Variants in KIF19 observed in about 807,000 individuals in gnomAD.
The protein encoded by KIF19 is kinesin-like protein KIF19.
Under a neutral mutation model 106.6 loss-of-function variants are expected in KIF19, and 98 were observed. The observed-to-expected ratio is 0.92, with a 90% CI of 0.78 to 1.09. The LOEUF is 1.09. Ranked by LOEUF, KIF19 falls within the 50% of genes least tolerant of loss-of-function variation. The pLI, the probability that KIF19 is intolerant of heterozygous loss-of-function variation, is 0.00. For missense variants in KIF19, 1,373 were observed against 1,414.3 expected (o/e 0.97, Z 0.47); for synonymous variants, 516 against 584.2 (o/e 0.88, Z 1.68).
chr17:74,352,047 C>T lies in KIF19; in HGVS notation c.1768C>T (p.Leu590Phe). ...GCACGCGCTGCTCCGCGACGGTGCGCTCCGCCACCGCCACGAGGCCGTGCG... is the reference window on the plus strand; with the variant it reads ...GCACGCGCTGCTCCGCGACGGTGCGTTCCGCCACCGCCACGAGGCCGTGCG... ...QSHALLRDGA[L>F]RHRHEAVRRL... is the part of the protein sequence containing the mutation. The change falls in exon 13 of 20, where the codon CTC (leucine) becomes TTC (phenylalanine). Residue 590 changes from leucine to phenylalanine, a missense_variant. By Grantham distance (22) the Leu-to-Phe change is conservative. Around this residue, in one of 3 missense-constraint regions of KIF19, gnomAD observed 1,020 missense variants for 1,008.2 expected, o/e 1.01. Coordinates refer to ENST00000389916, the MANE Select transcript of KIF19 (RefSeq NM_153209.4). 3 of 1,581,062 alleles carry T rather than the reference C, an allele frequency of 1.9e-6. No homozygotes were observed. The highest frequency in any genetic ancestry group is 1.7e-6 in the Non-Finnish European group (2 of 1,170,158).
In KIF19 at chr17:74,331,372, G is replaced by T. The variant is rs1161851180; in HGVS notation, c.120+2867G>T. ...CCTGAGTGGGGAGAGGTGGACCGGGGACACAGTAACCCGCTGGGCTGGGCC... is the reference window on the plus strand; with the variant it reads ...CCTGAGTGGGGAGAGGTGGACCGGGTACACAGTAACCCGCTGGGCTGGGCC... On this transcript the variant is annotated intron_variant, in intron 2 of 19. Coordinates refer to ENST00000389916, the MANE Select transcript of KIF19 (RefSeq NM_153209.4). This position sits in a 1 kb window ranked among gnomAD's most constrained non-coding sequence, Gnocchi z 4.1. Among the ~76,000 whole-genome samples the T allele has an allele frequency of 8.1e-6, 1 of 123,120 alleles. No homozygotes were observed. Among genetic ancestry groups the T allele is most frequent in the South Asian group, 2.5e-4 (1 of 3,988 alleles). The allele number at this position is 123,120 out of a possible 152,430, so 80.8% of individuals were successfully genotyped here.
chr17:74,340,689 C>T (rs1045426302), intron 2 of KIF19, among the ~76,000 whole-genome samples: 5 of 152,258 alleles, frequency 3.3e-5, no homozygotes, highest in Admixed American at 1.3e-4. Flanking sequence ...TTTCCACTCC[C>T]GGCTCAGGCT....
chr17:74,346,629 A>C lies in KIF19; in HGVS notation c.924+105A>C, dbSNP rs2054538679. The C allele has an allele frequency of 9.5e-7, 1 of 1,056,934 alleles. No individual in the cohort carries two copies. Among genetic ancestry groups the C allele is most frequent in the African/African-American group, 1.6e-5 (1 of 62,420 alleles). 65.5% of individuals were successfully genotyped at this position (1,056,934 alleles called of 1,614,324 possible). A position where few individuals can be genotyped will look rare whatever the true frequency, so the allele number is the denominator to read the frequency against. On this transcript the variant is annotated intron_variant, in intron 8 of 19. Transcript: ENST00000389916. The surrounding 1 kb of genome is among the most constrained non-coding windows in gnomAD (Gnocchi z 4.6). ...CAGCTAAATTCCAACCTCAGGATAC[A>C]CAGCAAAATTTATTTTAGCGTAAAT... is the stretch of plus-strand genomic sequence containing the variant.
At chr17:74,354,742 G>A in intron 18 of KIF19, 40 bp from the exon 19 acceptor site, 1 of 1,541,558 alleles carries the variant, frequency 6.5e-7, no homozygotes. Context: ...GCAGATCCCT[G>A]TGCCGCTCTC....
chr17:74,351,720 G>A, intron 12 of KIF19, 147 bp from the exon 13 acceptor site: 2 of 935,466 alleles, frequency 2.1e-6, no homozygotes, highest in Non-Finnish European at 2.9e-6. Flanking sequence ...CTGATTGTAA[G>A]GCCCAAGATT....
intron 14 of KIF19, 21 bp downstream of exon 14, chr17:74,352,361 C>T: frequency 1.3e-6 from 2 of 1,595,216 alleles, no homozygotes; most frequent in South Asian, 1.1e-5. Context: ...GCCTGGGCGG[C>T]CTGAACATGG....
chr17:74,330,634 C>T (rs564655777), intron 2 of KIF19, among the ~76,000 whole-genome samples: 14 of 152,368 alleles, frequency 9.2e-5, no homozygotes, highest in South Asian at 4.1e-4. Context: ...CTGATGGGAA[C>T]GCTCCCTGTC....
chr17:74,340,555 G>GCGCACACACACACACACACACA lies in KIF19; in HGVS notation c.121-1321_121-1320insCGCACACACACACACACACACA. 7.4e-3 allele frequency among the ~76,000 whole-genome samples: 1,101 copies of GCGCACACACACACACACACACA among 148,280 alleles called. 16 individuals carry two copies. The highest frequency in any genetic ancestry group is 0.025 in the African/African-American group (1,001 of 39,918). ...CACGTGCCAGCAGGTATGCGCGCGC[G>GCGCACACACACACACACACACA]TACACACACACACACACACTGCTGC... On this transcript the variant is annotated intron_variant, in intron 2 of 19. Transcript: ENST00000389916.
chr17:74,349,625 T>C (rs2054636999), intron 10 of KIF19, among the ~76,000 whole-genome samples: 1 of 152,264 alleles, frequency 6.6e-6, no homozygotes, highest in African/African-American at 2.4e-5. Flanking sequence ...AGCAATGAGC[T>C]GCGCAGGGCG....
rs749121703 is a variant in KIF19 at position 74,354,469 on chromosome 17, G to A, written c.2616G>A (p.Gln872=). The A allele has an allele frequency of 3.1e-6, 5 of 1,609,394 alleles. No individual in the cohort carries two copies. Among genetic ancestry groups the A allele is most frequent in the Non-Finnish European group, 3.4e-6 (4 of 1,178,376 alleles). ...GCCCCAGGCCCTGGCTGCGTGGCCA[G>A]AAGAAAAGCCTGGGCAAGAAAAGGG... ...GDGPRPWLRG[Q]KKSLGKKREE... is the part of the protein sequence containing the mutation. Residue 872 remains glutamine (Q), a synonymous_variant, in exon 18 of 20, where the codon CAG becomes CAA. Coordinates refer to ENST00000389916, the MANE Select transcript of KIF19 (RefSeq NM_153209.4).
chr17:74,341,879 G>A lies in KIF19; in HGVS notation c.124G>A (p.Val42Met). 1 of 1,613,322 alleles carries A rather than the reference G, an allele frequency of 6.2e-7. No individual in the cohort carries two copies. ...LIAHKVDEQM[V>M]VLMDPMEDPD... is the part of the protein sequence containing the mutation. ...CCTCCCTCTGGGGACCTTGCAGATGGTGGTTCTCATGGACCCAATGGAGGA... is the reference window on the plus strand; with the variant it reads ...CCTCCCTCTGGGGACCTTGCAGATGATGGTTCTCATGGACCCAATGGAGGA... The change falls in exon 3 of 20, where the codon GTG becomes ATG. Residue 42 changes from valine to methionine, a missense_variant. By Grantham distance (21) the Val-to-Met change is conservative. Around this residue, in one of 3 missense-constraint regions of KIF19, gnomAD observed 348 missense variants for 389.5 expected, o/e 0.89. Coordinates refer to ENST00000389916, the MANE Select transcript of KIF19 (RefSeq NM_153209.4).
chr17:74,345,015 G>A lies in KIF19; in HGVS notation c.777+60G>A, dbSNP rs1567911101. On this transcript the variant is annotated intron_variant, in intron 7 of 19. Coordinates refer to ENST00000389916, the MANE Select transcript of KIF19 (RefSeq NM_153209.4). The stretch of plus-strand genomic sequence containing the variant: ...GGGTTGACCCAGGCAACAGCGGAGG[G>A]CAGGAATGGTGACTCCCATGCAAGG... 10 of 1,476,790 alleles carry A rather than the reference G, an allele frequency of 6.8e-6. No individual in the cohort carries two copies. The South Asian group carries it at 1.1e-4, about 17-fold the overall frequency. 91.5% of individuals were successfully genotyped at this position (1,476,790 alleles called of 1,614,324 possible). A position where few individuals can be genotyped will look rare whatever the true frequency, so the allele number is the denominator to read the frequency against.
chr17:74,350,640 G>A, intron 11 of KIF19, 65 bp downstream of exon 11: 1 of 1,610,124 alleles, frequency 6.2e-7, no homozygotes, highest in African/African-American at 1.3e-5. Flanking sequence ...AGCACGACCT[G>A]TGGCTGTACA....
At chr17:74,339,810 A>G (rs1179871757) in intron 2 of KIF19, among the ~76,000 whole-genome samples, 1 of 152,206 alleles carries the variant, frequency 6.6e-6, no homozygotes, top group Non-Finnish European at 1.5e-5. Flanking sequence ...TCCGCGGTGC[A>G]GTGGTTGGGG....
chr17:74,349,280 A>G lies in KIF19; in HGVS notation c.1144A>G (p.Ile382Val), dbSNP rs2054621970. 1 of 1,613,128 alleles carries G rather than the reference A, an allele frequency of 6.2e-7. No individual in the cohort carries two copies. The change falls in exon 10 of 20, where the codon ATT (isoleucine) becomes GTT (valine). Residue 382 changes from isoleucine to valine, a missense_variant. Ile to Val is a conservative substitution (Grantham distance 29, BLOSUM62 3). Transcript: ENST00000389916. ...RGEIQRLKRKIDEQTGRGQAR... is the reference protein window; with the variant it reads ...RGEIQRLKRKVDEQTGRGQAR... ...CGAGATCCAGCGACTCAAGCGCAAG[A>G]TTGATGAGCAGACTGGGCGGGGCCA...
chr17:74,354,559 G>A lies in KIF19; in HGVS notation c.2706G>A (p.Gly902=). Residue 902 remains glycine, a splice_region_variant and synonymous_variant, in exon 18 of 20, where the codon GGG becomes GGA. Coordinates refer to ENST00000389916, the MANE Select transcript of KIF19 (RefSeq NM_153209.4). ...GATCCTTCGAGGTCACCGGGCAAGG[G>A]GTGAGGCGAGGCGCAGGGGTGGGTG... is the stretch of plus-strand genomic sequence containing the variant. The part of the protein sequence containing the change: ...RSRSFEVTGQ[G]LSHPKTHLLG... 1.9e-6 allele frequency: 3 copies of A among 1,589,828 alleles called. No homozygotes were observed. Among genetic ancestry groups the A allele is most frequent in the Non-Finnish European group, 2.6e-6 (3 of 1,169,794 alleles).
chr17:74,352,377 T>A (rs1458752741), intron 14 of KIF19, 37 bp downstream of exon 14: 8 of 1,581,558 alleles, frequency 5.1e-6, no homozygotes, highest in Middle Eastern at 1.7e-4. Flanking sequence ...CATGGGCACA[T>A]GTGCCCAGGG....
chr17:74,351,637 A>C (rs1423225833), intron 12 of KIF19, among the ~76,000 whole-genome samples: 1 of 152,146 alleles, frequency 6.6e-6, no homozygotes, highest in Non-Finnish European at 1.5e-5. Flanking sequence ...TTATCCCCCA[A>C]GCTGGTTCCA....
intron 2 of KIF19, among the ~76,000 whole-genome samples, chr17:74,339,186 C>T (rs925060309): frequency 3.3e-5 from 5 of 151,882 alleles, no homozygotes; most frequent in African/African-American, 1.2e-4. Flanking sequence ...CCCTACCTGC[C>T]CCACCCCACA....
Sources: gnomAD v4.1 joint callset for allele counts (sites outside exome capture counted in the v4.1 genomes callset) on GRCh38, gnomAD v4.1.1 for gene constraint, gnomAD v4.1.1 regional missense constraint, Gnocchi (gnomAD v3.1) non-coding constraint, MANE v1.5 for transcripts, NCBI Gene and HGNC (gene_info 2026-07-23, HGNC 2026-07-21) for gene names.